Variants in PIGK observed in about 807,000 individuals in gnomAD.
The protein encoded by PIGK is phosphatidylinositol glycan anchor biosynthesis class K, also known as GPI-anchor transamidase.
In PIGK, 42 loss-of-function variants were observed where a neutral mutation model predicts 50.6. The ratio of observed to expected loss-of-function variants is 0.83; its 90% confidence interval spans 0.65 to 1.07. PIGK has a LOEUF of 1.07. Ranked by LOEUF, PIGK falls within the 50% of genes least tolerant of loss-of-function variation. The pLI is 0.00. For synonymous variants in PIGK, 151 were observed against 156.0 expected (o/e 0.97, Z 0.24); for missense variants, 448 against 488.7 (o/e 0.92, Z 0.78).
intron 9 of PIGK, among the ~76,000 whole-genome samples, chr1:77,135,339 T>C (rs1374371246): frequency 1.3e-5 from 2 of 152,066 alleles, no homozygotes; most frequent in Non-Finnish European, 1.5e-5. Context: ...TACTTAGTTA[T>C]CTTGCTTATG....
At chr1:77,177,327 C>T (rs866497426) in intron 3 of PIGK, among the ~76,000 whole-genome samples, 82 of 152,296 alleles carry the variant, frequency 5.4e-4, no homozygotes, top group African/African-American at 1.8e-3. Flanking sequence ...GGCCATGATG[C>T]CCACACTGGA....
intron 10 of PIGK, among the ~76,000 whole-genome samples, chr1:77,101,147 A>G (rs1349922551): frequency 6.6e-6 from 1 of 152,230 alleles, no homozygotes; most frequent in Non-Finnish European, 1.5e-5. Context: ...ACTATTTATT[A>G]CATCTGATAC....
At chr1:77,109,817 A>C (rs1653794257) in intron 10 of PIGK, among the ~76,000 whole-genome samples, 1 of 152,184 alleles carries the variant, frequency 6.6e-6, no homozygotes, top group Non-Finnish European at 1.5e-5. Flanking sequence ...GAGGAAGTCA[A>C]ATTGTCCCTG....
intron 10 of PIGK, among the ~76,000 whole-genome samples, chr1:77,120,578 T>C (rs1222406745): frequency 6.6e-6 from 1 of 152,196 alleles, no homozygotes; most frequent in Non-Finnish European, 1.5e-5. Flanking sequence ...GTAACTCTTA[T>C]GTTTCTAAAA....
chr1:77,102,621 T>C (rs1653575617), intron 10 of PIGK, among the ~76,000 whole-genome samples: 1 of 152,194 alleles, frequency 6.6e-6, no homozygotes, highest in South Asian at 2.1e-4. Context: ...ATCTTGATTT[T>C]AGCCCAGTGA....
chr1:77,102,906 T>C (rs547121865), intron 10 of PIGK, among the ~76,000 whole-genome samples: 1 of 152,304 alleles, frequency 6.6e-6, no homozygotes, highest in South Asian at 2.1e-4. Flanking sequence ...CAGATGGCAA[T>C]GGCATTCTAT....
At chr1:77,109,075 T>C (rs1653772222) in intron 10 of PIGK, among the ~76,000 whole-genome samples, 1 of 152,174 alleles carries the variant, frequency 6.6e-6, no homozygotes, top group South Asian at 2.1e-4. Flanking sequence ...GTTGAATCTC[T>C]GAATAGACCA....
chr1:77,122,314 T>C lies in PIGK; in HGVS notation c.1032A>G (p.Lys344=), dbSNP rs1489684168. ...GAGCTACAGGAAGTTGTTCAGCATATTTCAGAGGTTCCATTAGTTTCTCAT... is the reference window on the plus strand; with the variant it reads ...GAGCTACAGGAAGTTGTTCAGCATACTTCAGAGGTTCCATTAGTTTCTCAT... The part of the protein sequence containing the change: ...QMDEKLMEPL[K]YAEQLPVAQI... Residue 344 remains lysine, a synonymous_variant, in exon 10 of 11, where the codon AAA becomes AAG. Coordinates refer to ENST00000370812, the MANE Select transcript of PIGK (RefSeq NM_005482.3). The C allele has an allele frequency of 8.7e-6, 14 of 1,607,406 alleles. No individual in the cohort carries two copies. The highest frequency in any genetic ancestry group is 1.2e-5 in the Non-Finnish European group (14 of 1,174,342).
At chr1:77,204,649 T>G (rs920841914) in intron 3 of PIGK, among the ~76,000 whole-genome samples, 3 of 152,100 alleles carry the variant, frequency 2.0e-5, no homozygotes, top group Non-Finnish European at 2.9e-5. Flanking sequence ...TTCTCCCTTT[T>G]GTACTCTTTC....
At chr1:77,169,449 A>G in intron 3 of PIGK, 54 bp from the exon 4 acceptor site, 1 of 1,415,406 alleles carries the variant, frequency 7.1e-7, no homozygotes, top group Non-Finnish European at 9.7e-7. Context: ...AAAAAGTTAA[A>G]CACAAATTTA....
chr1:77,151,109 C>A (rs1654885231), intron 9 of PIGK, among the ~76,000 whole-genome samples: 1 of 152,132 alleles, frequency 6.6e-6, no homozygotes, highest in South Asian at 2.1e-4. Context: ...AAAATACTAG[C>A]AAACTGAATT....
At chr1:77,189,786 GATATAC>G (rs1655856573) in intron 3 of PIGK, among the ~76,000 whole-genome samples, 1 of 130,094 alleles carries the variant, frequency 7.7e-6, no homozygotes, top group African/African-American at 2.9e-5. Flanking sequence ...CAGATATACA[GATATAC>G]ATATACGTAT....
intron 3 of PIGK, among the ~76,000 whole-genome samples, chr1:77,183,551 A>C (rs1281655706): frequency 6.6e-6 from 1 of 152,144 alleles, no homozygotes; most frequent in Non-Finnish European, 1.5e-5. Context: ...CTACACTTGA[A>C]GTGCTTGAGT....
At chr1:77,127,751 T>C (rs1012282521) in intron 9 of PIGK, among the ~76,000 whole-genome samples, 2 of 152,014 alleles carry the variant, frequency 1.3e-5, no homozygotes, top group South Asian at 4.1e-4. Flanking sequence ...ATACCAAAAA[T>C]AGGAAGGTAG....
At chr1:77,143,265 A>C (rs1654696130) in intron 9 of PIGK, among the ~76,000 whole-genome samples, 1 of 152,128 alleles carries the variant, frequency 6.6e-6, no homozygotes, top group African/African-American at 2.4e-5. Flanking sequence ...TTTCTTGGTC[A>C]AGTATTTAAT....
chr1:77,132,802 T>C (rs1360495886), intron 9 of PIGK, among the ~76,000 whole-genome samples: 1 of 152,152 alleles, frequency 6.6e-6, no homozygotes, highest in African/African-American at 2.4e-5. Flanking sequence ...AAGATATTTT[T>C]GCTGTGTAGA....
At chr1:77,177,721 C>A (rs1476414793) in intron 3 of PIGK, among the ~76,000 whole-genome samples, 2 of 152,140 alleles carry the variant, frequency 1.3e-5, no homozygotes, top group Non-Finnish European at 2.9e-5. Flanking sequence ...ATCTCCCCGA[C>A]TGAGCTGGTC....
At position 77,171,436 on chromosome 1, in the gene PIGK, CAAAAAAAAAAAAAA is replaced by C. The variant is rs58788160; in HGVS notation, c.240-2055_240-2042del. On this transcript the variant is annotated intron_variant, in intron 3 of 10. Coordinates refer to ENST00000370812, the MANE Select transcript of PIGK (RefSeq NM_005482.3). ...TGGGCAACAGAGCAAGACTCCACCTCAAAAAAAAAAAAAAAAAAAAAAAAAAAGAATATTTCTTT... is the reference window on the plus strand; with the variant it reads ...TGGGCAACAGAGCAAGACTCCACCTCAAAAAAAAAAAAAGAATATTTCTTT... Among the ~76,000 whole-genome samples, 88 of 46,890 alleles carry C rather than the reference CAAAAAAAAAAAAAA, an allele frequency of 1.9e-3. 3 individuals carry two copies. Among genetic ancestry groups the C allele is most frequent in the African/African-American group, 5.3e-3 (71 of 13,396 alleles). The allele number at this position is 46,890 out of a possible 152,430, so 30.8% of individuals were successfully genotyped here. A position where few individuals can be genotyped will look rare whatever the true frequency, so the allele number is the denominator to read the frequency against.
chr1:77,172,283 C>T (rs374573029), intron 3 of PIGK, among the ~76,000 whole-genome samples: 1 of 152,160 alleles, frequency 6.6e-6, no homozygotes, highest in Non-Finnish European at 1.5e-5. Flanking sequence ...ACTTCAACCA[C>T]CCATATACTG....
Sources: gnomAD v4.1 joint callset for allele counts (sites outside exome capture counted in the v4.1 genomes callset) on GRCh38, gnomAD v4.1.1 for gene constraint, MANE v1.5 for transcripts, NCBI Gene and HGNC (gene_info 2026-07-23, HGNC 2026-07-21) for gene names.